The following CSMD1 variants were observed in gnomAD, a reference collection of about 807,000 sequenced individuals.
CSMD1 encodes the protein CUB and Sushi multiple domains 1, also known as CUB and sushi domain-containing protein 1.
In CSMD1, 213 loss-of-function variants were observed where a neutral mutation model predicts 417.5. The observed-to-expected ratio is 0.51, with a 90% CI of 0.46 to 0.57. CSMD1 has a LOEUF of 0.57. Ranked by LOEUF, CSMD1 falls within the 20% of genes least tolerant of loss-of-function variation. The pLI is 0.00. For synonymous variants in CSMD1, 2,862 were observed against 1,736.8 expected (o/e 1.65, Z -16.11); for missense variants, 6,923 against 4,529.7 (o/e 1.53, Z -15.17).
intron 3 of CSMD1, among the ~76,000 whole-genome samples, chr8:4,086,250 A>C (rs1026482029): frequency 3.3e-5 from 5 of 152,184 alleles, no homozygotes; most frequent in African/African-American, 1.2e-4. Flanking sequence ...ACAAAGACAA[A>C]TAAGGAAGAC....
At chr8:4,303,957 C>T (rs768662119) in intron 3 of CSMD1, among the ~76,000 whole-genome samples, 37 of 152,142 alleles carry the variant, frequency 2.4e-4, no homozygotes, top group Admixed American at 2.3e-3. Context: ...TGCCACTTTT[C>T]CCTCTTCCTT....
At chr8:4,789,382 C>T (rs1026588643) in intron 1 of CSMD1, among the ~76,000 whole-genome samples, 1 of 152,110 alleles carries the variant, frequency 6.6e-6, no homozygotes, top group Non-Finnish European at 1.5e-5. Flanking sequence ...AGCTCTCTGG[C>T]TCTGGGTGAT....
At chr8:3,863,613 G>C (rs10503220) in intron 5 of CSMD1, among the ~76,000 whole-genome samples, 6,176 of 152,152 alleles carry the variant, frequency 0.041, 416 homozygotes, top group African/African-American at 0.14. Flanking sequence ...GCAGTAGGAT[G>C]TATGTTTTGT....
Position 4,704,315 on chromosome 8 carries a change from T to A in CSMD1, c.86-66757A>T, listed in dbSNP as rs367555815. Among the ~76,000 whole-genome samples, 207 of 152,346 alleles carry A rather than the reference T, an allele frequency of 1.4e-3. 4 individuals carry two copies. The South Asian group carries it at 0.02, about 14-fold the overall frequency. On this transcript the variant is annotated intron_variant, in intron 1 of 69. Coordinates refer to ENST00000635120, the MANE Select transcript of CSMD1 (RefSeq NM_033225.6). ...ATTTTATATTTTATTCAGCATTGAG[T>A]GTCTTACTGTACTCACAAATCAGTT...
At chr8:4,200,255 C>G (rs1400000239) in intron 3 of CSMD1, among the ~76,000 whole-genome samples, 1 of 152,120 alleles carries the variant, frequency 6.6e-6, no homozygotes, top group Non-Finnish European at 1.5e-5. Flanking sequence ...ATTCAATACA[C>G]TGATGATAAT....
At chr8:4,879,786 T>C (rs1308906959) in intron 1 of CSMD1, among the ~76,000 whole-genome samples, 1 of 152,118 alleles carries the variant, frequency 6.6e-6, no homozygotes, top group Non-Finnish European at 1.5e-5. Context: ...GACAGATGAA[T>C]GCATTTAACC....
chr8:3,382,130 G>T (rs960758591), intron 18 of CSMD1, among the ~76,000 whole-genome samples: 2 of 151,856 alleles, frequency 1.3e-5, no homozygotes, highest in Non-Finnish European at 2.9e-5. Context: ...ATGGTGGTGG[G>T]AGCCTGTAAT....
At chr8:4,190,670 T>C (rs765833029) in intron 3 of CSMD1, among the ~76,000 whole-genome samples, 2 of 152,064 alleles carry the variant, frequency 1.3e-5, no homozygotes, top group Non-Finnish European at 2.9e-5. Context: ...TTTGACTATA[T>C]AACCAGATAG....
intron 8 of CSMD1, among the ~76,000 whole-genome samples, chr8:3,608,969 ACTC>A (rs1446908579): frequency 6.6e-6 from 1 of 151,706 alleles, no homozygotes; most frequent in East Asian, 1.9e-4. Flanking sequence ...CCATACCTTG[ACTC>A]CTCATTGGCT....
intron 8 of CSMD1, among the ~76,000 whole-genome samples, chr8:3,587,802 T>C (rs1800669939): frequency 1.3e-5 from 2 of 152,174 alleles, no homozygotes; most frequent in African/African-American, 4.8e-5. Context: ...TCAAAAGATG[T>C]AGACTTTTCC....
chr8:3,111,014 A>G (rs1464726332), intron 42 of CSMD1, among the ~76,000 whole-genome samples: 2 of 152,200 alleles, frequency 1.3e-5, no homozygotes, highest in Non-Finnish European at 2.9e-5. Context: ...CACTAATGGA[A>G]TAACCTGAAA....
intron 3 of CSMD1, among the ~76,000 whole-genome samples, chr8:4,095,634 G>A (rs938305799): frequency 6.6e-6 from 1 of 152,152 alleles, no homozygotes; most frequent in Non-Finnish European, 1.5e-5. Context: ...GTGTGTTATA[G>A]AAGAGAAAAC....
At chr8:3,885,663 C>A (rs1054045070) in intron 5 of CSMD1, among the ~76,000 whole-genome samples, 3 of 152,098 alleles carry the variant, frequency 2.0e-5, no homozygotes, top group South Asian at 4.1e-4. Flanking sequence ...CCTCATTATT[C>A]TCTCCATCTT....
chr8:3,087,021 C>T lies in CSMD1; in HGVS notation c.7474+76G>A, dbSNP rs114980920. The T allele has an allele frequency of 1.9e-3, 2,407 of 1,281,902 alleles. 33 individuals carry two copies. In the African/African-American group the frequency reaches 0.027, roughly 15 times the overall value. 79.4% of individuals were successfully genotyped at this position (1,281,902 alleles called of 1,614,324 possible). A position where few individuals can be genotyped will look rare whatever the true frequency, so the allele number is the denominator to read the frequency against. The stretch of plus-strand genomic sequence containing the variant: ...TACCTTTTATTCTTAGTTAGTGCTT[C>T]ATTTATTTTCAGAGAGTGATTAAAA... On this transcript the variant is annotated intron_variant, in intron 49 of 69. Coordinates refer to ENST00000635120, the MANE Select transcript of CSMD1 (RefSeq NM_033225.6).
intron 1 of CSMD1, among the ~76,000 whole-genome samples, chr8:4,910,377 A>C (rs930937201): frequency 1.3e-5 from 2 of 152,178 alleles, no homozygotes; most frequent in African/African-American, 4.8e-5. Context: ...AATACTATAA[A>C]CTGGATTGCT....
In CSMD1 at chr8:4,664,235, C is replaced by G. The variant is rs189302780; in HGVS notation, c.86-26677G>C. Among the ~76,000 whole-genome samples the G allele has an allele frequency of 3.9e-5, 6 of 152,262 alleles. No individual in the cohort carries two copies. The East Asian group carries it at 1.2e-3, about 29-fold the overall frequency. On this transcript the variant is annotated intron_variant, in intron 1 of 69. Coordinates refer to ENST00000635120, the MANE Select transcript of CSMD1 (RefSeq NM_033225.6). ...TTATCTTGGGGACATTTAAGAAACA[C>G]TAAAATATTATTTCTGTGTGACTAG...
chr8:4,532,401 T>A (rs936664615), intron 2 of CSMD1, among the ~76,000 whole-genome samples: 4 of 142,644 alleles, frequency 2.8e-5, no homozygotes, highest in Non-Finnish European at 6.0e-5. Flanking sequence ...GCACCCCCAT[T>A]CAGTCACTCC....
intron 54 of CSMD1, among the ~76,000 whole-genome samples, chr8:2,990,244 A>T (rs994490482): frequency 6.6e-6 from 1 of 152,220 alleles, no homozygotes; most frequent in African/African-American, 2.4e-5. Flanking sequence ...CTGTCTTCCC[A>T]TCGCCATTCC....
At chr8:4,095,007 A>T (rs1800926591) in intron 3 of CSMD1, among the ~76,000 whole-genome samples, 1 of 152,200 alleles carries the variant, frequency 6.6e-6, no homozygotes, top group Non-Finnish European at 1.5e-5. Context: ...CTAGAAATGG[A>T]GAGACCATGG....
Sources: allele counts gnomAD v4.1 joint callset (sites outside exome capture counted in the v4.1 genomes callset), GRCh38; gene constraint gnomAD v4.1.1; transcripts MANE v1.5; gene names NCBI Gene and HGNC (gene_info 2026-07-23, HGNC 2026-07-21).